KIF1B: variants seen among roughly 807,000 people sequenced by gnomAD.
KIF1B encodes kinesin-like protein KIF1B.
In KIF1B, 76 loss-of-function variants were observed where a neutral mutation model predicts 241.9. The ratio of observed to expected loss-of-function variants is 0.31; its 90% CI spans 0.26 to 0.38. The LOEUF (loss-of-function observed/expected upper bound fraction) is 0.38, where lower values mean the gene tolerates loss of function less well. KIF1B is among the 10% of genes least tolerant of loss of function. The pLI is 1.00. For missense variants in KIF1B, 1,622 were observed against 2,271.4 expected (o/e 0.71, Z 5.81); for synonymous variants, 750 against 796.7 (o/e 0.94, Z 0.99).
rs1419832585 is a variant in KIF1B, at chr1:10,214,601, G to A, written c.-80+3723G>A. On this transcript the variant is annotated intron_variant, in intron 1 of 48. Coordinates refer to ENST00000676179, the MANE Select transcript of KIF1B (RefSeq NM_001365951.3). ...CCGTGCCCTGCCCTTTTTTTTTTTT[G>A]GGATGGAGTCTTACTCTGTCACTCA... Among the ~76,000 whole-genome samples the A allele has an allele frequency of 1.2e-4, 13 of 111,840 alleles. No individual in the cohort carries two copies. The South Asian group carries it at 3.5e-3, about 30-fold the overall frequency. 73.4% of individuals were successfully genotyped at this position (111,840 alleles called of 152,430 possible).
intron 22 of KIF1B, among the ~76,000 whole-genome samples, chr1:10,316,887 G>A (rs1003400659): frequency 6.6e-6 from 1 of 151,434 alleles, no homozygotes; most frequent in African/African-American, 2.5e-5. Flanking sequence ...CATTTCTTCT[G>A]CATTTATTAG....
intron 22 of KIF1B, among the ~76,000 whole-genome samples, chr1:10,300,533 C>T (rs149925320): frequency 1.3e-5 from 2 of 152,028 alleles, no homozygotes; most frequent in African/African-American, 4.8e-5. Flanking sequence ...ACTTTTGTCT[C>T]TTAAGCATGA....
chr1:10,313,687 A>G (rs1038497915), intron 22 of KIF1B, among the ~76,000 whole-genome samples: 10 of 147,328 alleles, frequency 6.8e-5, no homozygotes, highest in Non-Finnish European at 1.0e-4. Flanking sequence ...AGTAGCTGGG[A>G]CTACAGGTGC....
chr1:10,309,968 A>G (rs1018676770), intron 22 of KIF1B, among the ~76,000 whole-genome samples: 2 of 151,236 alleles, frequency 1.3e-5, no homozygotes, highest in South Asian at 2.1e-4. Flanking sequence ...CCTGGAGCCC[A>G]TTTCCATCAT....
At chr1:10,345,449 TCAG>T in intron 34 of KIF1B, among the ~76,000 whole-genome samples, 1 of 152,260 alleles carries the variant, frequency 6.6e-6, no homozygotes, top group Non-Finnish European at 1.5e-5. Flanking sequence ...CTTCAGGACA[TCAG>T]CTTTGATTGA....
rs1638633165 is a variant in KIF1B, at chr1:10,368,352, T to C, written c.4753-115T>C. ...GCATAGGGAGAGGAGATGTGGAGCT[T>C]CCATGCCCTCCCCGGGAACTCAGCC... On this transcript the variant is annotated intron_variant, in intron 43 of 48. Coordinates refer to ENST00000676179, the MANE Select transcript of KIF1B (RefSeq NM_001365951.3). 8 of 799,136 alleles carry C rather than the reference T, an allele frequency of 1.0e-5. No individual in the cohort carries two copies. In the Admixed American group the frequency reaches 1.5e-4, roughly 15 times the overall value. 49.5% of individuals were successfully genotyped at this position (799,136 alleles called of 1,614,324 possible). A position where few individuals can be genotyped will look rare whatever the true frequency, so the allele number is the denominator to read the frequency against.
At chr1:10,341,775 T>C (rs1652400723) in intron 32 of KIF1B, among the ~76,000 whole-genome samples, 1 of 151,932 alleles carries the variant, frequency 6.6e-6, no homozygotes, top group Non-Finnish European at 1.5e-5. Context: ...TCAAGACCAG[T>C]CTGGGAAACA....
In KIF1B at chr1:10,303,985, C is replaced by G. The variant is rs1402614440; in HGVS notation, c.2115+6739C>G. The G allele has an allele frequency of 3.1e-6, 5 of 1,613,510 alleles. No individual in the cohort carries two copies. The highest frequency in any genetic ancestry group is 4.2e-6 in the Non-Finnish European group (5 of 1,179,724). ...GCAAATTCGGTTTAAGAACTTGCAA[C>G]AGCAGGAGATAACAAAGCAGCTTCG... On this transcript the variant is annotated intron_variant, in intron 22 of 48. Coordinates refer to ENST00000676179, the MANE Select transcript of KIF1B (RefSeq NM_001365951.3). The surrounding 1 kb of genome is among the most constrained non-coding windows in gnomAD (Gnocchi z 5.2).
intron 31 of KIF1B, 43 bp from the exon 32 acceptor site, chr1:10,339,726 G>C: frequency 6.5e-7 from 1 of 1,530,200 alleles, no homozygotes; most frequent in African/African-American, 1.4e-5. Context: ...TGATAAAACC[G>C]TTTAATGCAT....
At chr1:10,342,465 G>A (rs558310981) in intron 33 of KIF1B, among the ~76,000 whole-genome samples, 1 of 152,164 alleles carries the variant, frequency 6.6e-6, no homozygotes, top group African/African-American at 2.4e-5. Flanking sequence ...GTTAAAAATT[G>A]TTCCTAATGC....
chr1:10,305,334 A>G (rs2102274174), intron 22 of KIF1B: 4 of 1,048,500 alleles, frequency 3.8e-6, no homozygotes, highest in East Asian at 5.5e-5. Context: ...AATTTGTCAT[A>G]TCAGAATCTA....
chr1:10,254,629 C>T (rs1647653603), intron 2 of KIF1B, among the ~76,000 whole-genome samples: 1 of 152,054 alleles, frequency 6.6e-6, no homozygotes, highest in Non-Finnish European at 1.5e-5. Context: ...GTAATCCCAG[C>T]ACTTTGGGAG....
At chr1:10,347,619 A>G in intron 35 of KIF1B, 142 bp from the exon 36 acceptor site, 1 of 702,944 alleles carries the variant, frequency 1.4e-6, no homozygotes, top group Non-Finnish European at 2.6e-6. Context: ...AAGGATGAGT[A>G]AATGCAAATG....
chr1:10,304,165 G>A (rs758844384), intron 22 of KIF1B: 4 of 1,613,960 alleles, frequency 2.5e-6, no homozygotes, highest in African/African-American at 2.7e-5. Context: ...TCCAAAAGAC[G>A]ATGAAGCAAG....
chr1:10,305,962 C>G, intron 22 of KIF1B: 4 of 1,052,930 alleles, frequency 3.8e-6, no homozygotes, highest in Non-Finnish European at 4.6e-6. Context: ...ACTTGTCTTC[C>G]AAACGGTGTG....
intron 10 of KIF1B, among the ~76,000 whole-genome samples, chr1:10,273,735 A>AC (rs1557680860): frequency 1.1e-5 from 1 of 87,498 alleles, no homozygotes; most frequent in Non-Finnish European, 2.7e-5. Flanking sequence ...AAAAAAAAAA[A>AC]AAAACCCAAC....
At chr1:10,232,527 T>C in intron 2 of KIF1B, 93 bp downstream of exon 2, 2 of 882,404 alleles carry the variant, frequency 2.3e-6, no homozygotes, top group Admixed American at 2.0e-5. Context: ...TGAACATCTG[T>C]ATGTTAACAC....
intron 27 of KIF1B, among the ~76,000 whole-genome samples, chr1:10,327,642 C>T (rs999916169): frequency 6.6e-6 from 1 of 152,158 alleles, no homozygotes; most frequent in Non-Finnish European, 1.5e-5. Flanking sequence ...TCTCTATGCA[C>T]ATGATCCTAA....
At position 10,261,958 on chromosome 1, in the gene KIF1B, T is replaced by C; in HGVS notation, c.417T>C (p.Ser139=). The stretch of plus-strand genomic sequence containing the variant: ...ATGACAACTGTAATGAAGAAATGTC[T>C]TACTCTGTAGAGGTGAGTACAGCCG... ...KINDNCNEEM[S]YSVEVSYMEI... is the part of the protein sequence containing the mutation. The change falls in exon 5 of 49, where the codon TCT becomes TCC. Residue 139 remains serine, a synonymous_variant. Coordinates refer to ENST00000676179, the MANE Select transcript of KIF1B (RefSeq NM_001365951.3). 1.2e-6 allele frequency: 2 copies of C among 1,610,320 alleles called. No individual in the cohort carries two copies. The highest frequency in any genetic ancestry group is 1.7e-6 in the Non-Finnish European group (2 of 1,176,558).
Sources: allele counts gnomAD v4.1 joint callset (sites outside exome capture counted in the v4.1 genomes callset), GRCh38; gene constraint gnomAD v4.1.1; non-coding constraint Gnocchi (gnomAD v3.1); transcripts MANE v1.5; gene names NCBI Gene and HGNC (gene_info 2026-07-23, HGNC 2026-07-21).